UGT3A1: variants seen among roughly 807,000 people sequenced by gnomAD.
UGT3A1 encodes UDP glycosyltransferase family 3 member A1.
In UGT3A1, 40 loss-of-function variants were observed where a neutral mutation model predicts 37.6. That is an observed-to-expected ratio of 1.06 (90% CI 0.83 to 1.38). The LOEUF (loss-of-function observed/expected upper bound fraction) is 1.38. UGT3A1 is among the 40% of genes most tolerant of loss of function. The pLI is 0.00. For synonymous variants in UGT3A1, 256 were observed against 232.3 expected, an observed-to-expected ratio of 1.10 and a Z score of -0.93; for missense variants, 642 against 634.2, an observed-to-expected ratio of 1.01 and a Z score of -0.13.
intron 4 of UGT3A1, 79 bp downstream of exon 4, chr5:35,965,307 C>T (rs1739752639): frequency 6.5e-7 from 1 of 1,539,490 alleles, no homozygotes; most frequent in African/African-American, 1.4e-5. Flanking sequence ...CTCAGGATCC[C>T]ACTGGCAGGT....
intron 3 of UGT3A1, 97 bp downstream of exon 3, chr5:35,967,918 CATCT>C (rs1739877148): frequency 9.5e-6 from 8 of 840,534 alleles, no homozygotes; most frequent in South Asian, 3.0e-5. Flanking sequence ...ATCACCCACC[CATCT>C]ATTTCTCTAA....
At chr5:35,989,079 A>G (rs1391043027) in intron 1 of UGT3A1, among the ~76,000 whole-genome samples, 1 of 152,208 alleles carries the variant, frequency 6.6e-6, no homozygotes, top group Non-Finnish European at 1.5e-5. Context: ...AGTCTAAGAA[A>G]CTGCCATTGG....
upstream of UGT3A1, among the ~76,000 whole-genome samples, chr5:35,992,852 CAT>C (rs1216054901): frequency 6.6e-6 from 1 of 152,114 alleles, no homozygotes; most frequent in Non-Finnish European, 1.5e-5. Context: ...ACACAAAACT[CAT>C]TTGACCAAAG....
At chr5:35,974,204 A>G (rs940852894) in intron 2 of UGT3A1, among the ~76,000 whole-genome samples, 2 of 152,162 alleles carry the variant, frequency 1.3e-5, no homozygotes, top group African/African-American at 4.8e-5. Context: ...TTGGGGAAAT[A>G]AAAATAATTA....
chr5:35,995,546 T>C (rs1386526170), upstream of UGT3A1, among the ~76,000 whole-genome samples: 3 of 152,182 alleles, frequency 2.0e-5, no homozygotes, highest in Non-Finnish European at 4.4e-5. Flanking sequence ...CATTCAGACC[T>C]TTATCAGCTA....
chr5:35,962,328 A>T (rs1739618236), intron 4 of UGT3A1: 1 of 153,222 alleles, frequency 6.5e-6, no homozygotes, highest in Admixed American at 6.5e-5. Flanking sequence ...GGGGAAGGAG[A>T]CCTGCACCTT....
intron 2 of UGT3A1, among the ~76,000 whole-genome samples, chr5:35,986,273 A>G (rs1740725276): frequency 6.6e-6 from 1 of 152,178 alleles, no homozygotes; most frequent in Admixed American, 6.5e-5. Flanking sequence ...GATTCCTCAA[A>G]AAACTAAAGA....
intron 2 of UGT3A1, among the ~76,000 whole-genome samples, chr5:35,971,227 C>A (rs1740022281): frequency 6.6e-6 from 1 of 152,090 alleles, no homozygotes; most frequent in Non-Finnish European, 1.5e-5. Flanking sequence ...TCATTCAAGA[C>A]ATACACAGGG....
chr5:35,995,272 C>T (rs924532176), upstream of UGT3A1, among the ~76,000 whole-genome samples: 5 of 152,168 alleles, frequency 3.3e-5, no homozygotes, highest in African/African-American at 1.2e-4. Context: ...TTCAAAGACT[C>T]CACTCCCTGA....
intron 2 of UGT3A1, among the ~76,000 whole-genome samples, chr5:35,984,302 G>A (rs998466051): frequency 3.3e-5 from 5 of 152,106 alleles, no homozygotes; most frequent in African/African-American, 1.2e-4. Flanking sequence ...CCATTTATAT[G>A]GCTTGAGAAT....
intron 1 of UGT3A1, among the ~76,000 whole-genome samples, chr5:35,989,956 G>A (rs532602997): frequency 3.3e-5 from 5 of 152,176 alleles, no homozygotes; most frequent in East Asian, 3.9e-4. Flanking sequence ...GCGTGGTGGC[G>A]GGCGCCTGTA....
chr5:35,954,745 A>G, intron 6 of UGT3A1: 1 of 505,962 alleles, frequency 2.0e-6, no homozygotes, highest in Non-Finnish European at 3.5e-6. Flanking sequence ...TCTAAGAACT[A>G]GTCCATATCC....
At chr5:35,992,159 G>A (rs1412776561), upstream of UGT3A1, among the ~76,000 whole-genome samples, 2 of 152,210 alleles carry the variant, frequency 1.3e-5, no homozygotes, top group Admixed American at 1.3e-4. Flanking sequence ...TCTACCGGCT[G>A]TAATAGGCCC....
rs1263151861 is a variant in UGT3A1, at chr5:35,951,523, A to C, written c.*2679T>G. 6.6e-6 allele frequency: 1 copy of C among 152,198 alleles called. No homozygotes were observed. Among genetic ancestry groups the C allele is most frequent in the Non-Finnish European group, 1.5e-5 (1 of 68,024 alleles). The allele number at this position is 152,198 out of a possible 1,614,324, so 9.4% of individuals were successfully genotyped here. On this transcript the variant is annotated 3_prime_UTR_variant, in exon 7 of 7. Coordinates refer to ENST00000274278, the MANE Select transcript of UGT3A1 (RefSeq NM_152404.4). ...TTTGTTTATTGTAGTTTAAAGCTGA[A>C]TATTATTTCAGTATGTATATGTATC...
In UGT3A1 at chr5:35,955,812, C is replaced by G. The variant is rs1739332110; in HGVS notation, c.1128G>C (p.Met376Ile). The change falls in exon 6 of 7, where the codon ATG (methionine) becomes ATC (isoleucine). Residue 376 changes from methionine (M) to isoleucine (I), a missense_variant. Physicochemically the swap from Met to Ile is conservative, Grantham distance 10 (BLOSUM62 1). Coordinates refer to ENST00000274278, the MANE Select transcript of UGT3A1 (RefSeq NM_152404.4). Reference sequence around the variant, plus strand: ...TGGGCACACCATGACGGATGGCCTCCATTACGCTGTTCTGCCCACCATGAG... The same window carrying G: ...TGGGCACACCATGACGGATGGCCTCGATTACGCTGTTCTGCCCACCATGAG... ...FVTHGGQNSV[M>I]EAIRHGVPMV... The G allele has an allele frequency of 1.2e-6, 2 of 1,614,072 alleles. No individual in the cohort carries two copies. The highest frequency in any genetic ancestry group is 2.7e-5 in the African/African-American group (2 of 74,904).
chr5:35,955,980 A>G, intron 5 of UGT3A1, 116 bp from the exon 6 acceptor site: 1 of 1,061,462 alleles, frequency 9.4e-7, no homozygotes, highest in African/African-American at 1.6e-5. Flanking sequence ...GAGAAAATGA[A>G]TTCACTGATT....
intron 2 of UGT3A1, among the ~76,000 whole-genome samples, chr5:35,979,593 G>C (rs571365683): frequency 6.6e-6 from 1 of 152,166 alleles, no homozygotes; most frequent in South Asian, 2.1e-4. Flanking sequence ...CAAGCCTCTA[G>C]GAAGTTCCAA....
At chr5:35,997,038 T>C (rs918447855) in intron 2 of UGT3A1, among the ~76,000 whole-genome samples, 1 of 152,186 alleles carries the variant, frequency 6.6e-6, no homozygotes, top group African/African-American at 2.4e-5. Flanking sequence ...TAGATGAAAC[T>C]GTCCCTACCA....
intron 4 of UGT3A1, chr5:35,962,786 G>GT (rs979429236): frequency 3.0e-6 from 2 of 669,818 alleles, no homozygotes; most frequent in African/African-American, 3.6e-5. Flanking sequence ...GCTAGGAGGT[G>GT]TTTTTCCTCC....
Sources: gnomAD v4.1 joint callset for allele counts (sites outside exome capture counted in the v4.1 genomes callset) on GRCh38, gnomAD v4.1.1 for gene constraint, MANE v1.5 for transcripts, NCBI Gene and HGNC (gene_info 2026-07-23, HGNC 2026-07-21) for gene names.